The following MMS22L variants were observed in gnomAD, a reference collection of about 807,000 sequenced individuals.
MMS22L encodes MMS22 like, DNA repair protein.
In MMS22L, 74 loss-of-function variants were observed where a neutral mutation model predicts 159.1. The observed-to-expected ratio is 0.47, with a 90% CI of 0.39 to 0.56. MMS22L has a LOEUF of 0.56. Among genes scored for constraint, MMS22L ranks in the 20% least tolerant of loss-of-function variants. The pLI is 0.00. For missense variants in MMS22L, 1,351 were observed against 1,422.1 expected (o/e 0.95, Z 0.80); for synonymous variants, 517 against 506.9 (o/e 1.02, Z -0.27).
chr6:97,257,767 T>C (rs1390458346), intron 9 of MMS22L, among the ~76,000 whole-genome samples: 3 of 143,142 alleles, frequency 2.1e-5, no homozygotes, highest in Non-Finnish European at 4.7e-5. Flanking sequence ...TGGTACATGA[T>C]ATCAATCTGT....
Position 97,233,890 on chromosome 6 carries a change from T to C in MMS22L, c.1273A>G (p.Ile425Val), listed in dbSNP as rs530081426. 8.7e-6 allele frequency: 14 copies of C among 1,609,222 alleles called. No homozygotes were observed. The South Asian group carries it at 1.6e-4, about 18-fold the overall frequency. Residue 425 changes from isoleucine to valine, a missense_variant, in exon 12 of 25, where the codon ATT becomes GTT. By Grantham distance (29) the Ile-to-Val change is conservative (BLOSUM62 3). Transcript: ENST00000683635. Reference protein sequence around the residue: ...FWEPNIAIVTILWEYYSKNLN... With the variant: ...FWEPNIAIVTVLWEYYSKNLN... ...TTCTTACTATAATATTCCCATAAAA[T>C]GGTAACAATTGCAATGTTTGGCTCC... is the stretch of plus-strand genomic sequence containing the variant.
At chr6:97,208,515 CAAG>C (rs1483414988) in intron 14 of MMS22L, among the ~76,000 whole-genome samples, 1 of 151,938 alleles carries the variant, frequency 6.6e-6, no homozygotes, top group Non-Finnish European at 1.5e-5. Context: ...ACAGGGCAAA[CAAG>C]AAGGACAACA....
rs559144157 is a variant in MMS22L, at chr6:97,193,996, C to T, written c.2040-7306G>A. Among the ~76,000 whole-genome samples the T allele has an allele frequency of 1.6e-4, 24 of 152,080 alleles. No homozygotes were observed. The South Asian group carries it at 4.1e-3, about 26-fold the overall frequency. On this transcript the variant is annotated intron_variant, in intron 14 of 24. Coordinates refer to ENST00000683635, the MANE Select transcript of MMS22L (RefSeq NM_001350599.2). Reference sequence around the variant, plus strand: ...CAGGATGGTCTCGATCTCCTGACCTCGTGATCTGCCCACCTTGGCCTCCCA... The same window carrying T: ...CAGGATGGTCTCGATCTCCTGACCTTGTGATCTGCCCACCTTGGCCTCCCA...
At position 97,145,356 on chromosome 6, in the gene MMS22L, T is replaced by G. The variant is rs1800885662; in HGVS notation, c.*1450A>C. ...GAGAACGCTATTAACTACAGAATAC[T>G]GATTGCAAAGTATTTCATTTTTAAA... On this transcript the variant is annotated 3_prime_UTR_variant, in exon 25 of 25. Transcript: ENST00000683635. The G allele has an allele frequency of 6.6e-6, 1 of 152,194 alleles. No individual in the cohort carries two copies. The highest frequency in any genetic ancestry group is 1.5e-5 in the Non-Finnish European group (1 of 68,018). The allele number at this position is 152,194 out of a possible 1,614,324, so 9.4% of individuals were successfully genotyped here. A position where few individuals can be genotyped will look rare whatever the true frequency, so the allele number is the denominator to read the frequency against.
chr6:97,265,226 T>G (rs1470277734), intron 8 of MMS22L: 1 of 152,176 alleles, frequency 6.6e-6, no homozygotes, highest in Admixed American at 6.5e-5. Flanking sequence ...AATTGATTTT[T>G]GACAATGATG....
At chr6:97,234,017 G>A (rs780449260) in intron 11 of MMS22L, 37 bp from the exon 12 acceptor site, 1 of 1,584,474 alleles carries the variant, frequency 6.3e-7, no homozygotes, top group South Asian at 1.2e-5. Flanking sequence ...AGGTAAATGG[G>A]CTCTGGCAAT....
rs1814719376 is a variant in MMS22L at position 97,263,467 on chromosome 6, A to T, written c.829-19T>A. 7.6e-7 allele frequency: 1 copy of T among 1,317,758 alleles called. No individual in the cohort carries two copies. Among genetic ancestry groups the T allele is most frequent in the Non-Finnish European group, 1.0e-6 (1 of 963,048 alleles). The allele number at this position is 1,317,758 out of a possible 1,614,324, so 81.6% of individuals were successfully genotyped here. A position where few individuals can be genotyped will look rare whatever the true frequency, so the allele number is the denominator to read the frequency against. On this transcript the variant is annotated intron_variant, in intron 8 of 24. Coordinates refer to ENST00000683635, the MANE Select transcript of MMS22L (RefSeq NM_001350599.2). ...ACCTAACCTATAGAAAATAACCAAAATGTGTTATTTATAAGACAGCAGCAG... is the reference window on the plus strand; with the variant it reads ...ACCTAACCTATAGAAAATAACCAAATTGTGTTATTTATAAGACAGCAGCAG...
At chr6:97,180,397 G>A (rs1479257889) in intron 16 of MMS22L, among the ~76,000 whole-genome samples, 1 of 152,142 alleles carries the variant, frequency 6.6e-6, no homozygotes, top group Non-Finnish European at 1.5e-5. Flanking sequence ...CACCGTGCTT[G>A]GCCACTAAAC....
chr6:97,199,477 C>G (rs931118786), intron 14 of MMS22L, among the ~76,000 whole-genome samples: 13 of 152,098 alleles, frequency 8.5e-5, no homozygotes, highest in Non-Finnish European at 1.6e-4. Flanking sequence ...AAATCCAATT[C>G]TATGTGAACA....
chr6:97,151,666 A>AAGT lies in MMS22L; in HGVS notation c.3482+102_3482+104dup, dbSNP rs1372510663. On this transcript the variant is annotated intron_variant, in intron 23 of 24. Coordinates refer to ENST00000683635, the MANE Select transcript of MMS22L (RefSeq NM_001350599.2). Reference sequence around the variant, plus strand: ...ATACAATAATTGAAATACTATAAACAAGTAGTAACACATTATGTTTTGGAT... The same window carrying AAGT: ...ATACAATAATTGAAATACTATAAACAAGTAGTAGTAACACATTATGTTTTGGAT... The AAGT allele has an allele frequency of 1.7e-5, 14 of 829,318 alleles. No homozygotes were observed. The East Asian group carries it at 3.5e-4, about 21-fold the overall frequency. The allele number at this position is 829,318 out of a possible 1,614,324, so 51.4% of individuals were successfully genotyped here. A position where few individuals can be genotyped will look rare whatever the true frequency, so the allele number is the denominator to read the frequency against.
chr6:97,250,966 G>A (rs998415955), intron 10 of MMS22L, among the ~76,000 whole-genome samples: 63 of 151,830 alleles, frequency 4.1e-4, no homozygotes, highest in Non-Finnish European at 7.7e-4. Flanking sequence ...TATATCATAA[G>A]GAGAAAAAAA....
intron 14 of MMS22L, among the ~76,000 whole-genome samples, chr6:97,211,804 C>A (rs775226548): frequency 6.6e-6 from 1 of 152,060 alleles, no homozygotes; most frequent in Non-Finnish European, 1.5e-5. Context: ...AATATGTGTA[C>A]AAGTAGCAAA....
chr6:97,169,880 A>G (rs1803345191), intron 19 of MMS22L, among the ~76,000 whole-genome samples: 1 of 152,146 alleles, frequency 6.6e-6, no homozygotes, highest in African/African-American at 2.4e-5. Flanking sequence ...ATAGGGTACC[A>G]CATGGTATAG....
chr6:97,240,016 G>T (rs1349951659), intron 11 of MMS22L, among the ~76,000 whole-genome samples: 1 of 152,152 alleles, frequency 6.6e-6, no homozygotes, highest in African/African-American at 2.4e-5. Flanking sequence ...TACAGCAAAT[G>T]GACTCTTTCA....
intron 15 of MMS22L, among the ~76,000 whole-genome samples, chr6:97,183,284 G>A (rs1293962938): frequency 6.6e-6 from 1 of 152,026 alleles, no homozygotes; most frequent in Non-Finnish European, 1.5e-5. Context: ...ACACTTGATT[G>A]CATGGTCCAT....
At chr6:97,266,867 T>C (rs553672962) in intron 8 of MMS22L, 2 of 152,316 alleles carry the variant, frequency 1.3e-5, no homozygotes, top group Admixed American at 6.5e-5. Context: ...GGGGTAGATG[T>C]TGATCAAAGC....
intron 11 of MMS22L, among the ~76,000 whole-genome samples, chr6:97,244,201 C>T (rs1812387185): frequency 6.6e-6 from 1 of 152,254 alleles, no homozygotes; most frequent in Middle Eastern, 3.4e-3. Context: ...GGCCTCCAGC[C>T]AGGAGGTGGC....
intron 11 of MMS22L, among the ~76,000 whole-genome samples, chr6:97,238,673 T>G (rs971732680): frequency 5.3e-5 from 8 of 150,274 alleles, no homozygotes; most frequent in Non-Finnish European, 8.9e-5. Context: ...GTTAAATGAA[T>G]ATGCCTGCTT....
intron 14 of MMS22L, among the ~76,000 whole-genome samples, chr6:97,222,777 T>C (rs540243741): frequency 2.8e-4 from 42 of 152,076 alleles, no homozygotes; most frequent in Non-Finnish European, 5.0e-4. Context: ...TTTTCATAGC[T>C]GTGTTATAAA....
Sources: gnomAD v4.1 joint callset for allele counts (sites outside exome capture counted in the v4.1 genomes callset) on GRCh38, gnomAD v4.1.1 for gene constraint, MANE v1.5 for transcripts, NCBI Gene and HGNC (gene_info 2026-07-23, HGNC 2026-07-21) for gene names.